The following RHBDD2 variants were observed in gnomAD, a reference collection of about 807,000 sequenced individuals.
RHBDD2 encodes rhomboid domain-containing protein 2.
A neutral mutation model predicts 21.7 loss-of-function variants in RHBDD2; 13 were observed. The ratio of observed to expected loss-of-function variants is 0.60; its 90% CI spans 0.39 to 0.95. The LOEUF (loss-of-function observed/expected upper bound fraction) is 0.95, where lower values mean the gene tolerates loss of function less well. Ranked by LOEUF, RHBDD2 falls within the 40% of genes least tolerant of loss-of-function variation. The probability of loss-of-function intolerance (pLI) is 0.00; values close to 1 mark genes in which losing one functional copy is unlikely to be tolerated. For missense variants in RHBDD2, 473 were observed against 478.9 expected, an observed-to-expected ratio of 0.99 and a Z score of 0.11; for synonymous variants, 225 against 220.0, an observed-to-expected ratio of 1.02 and a Z score of -0.20.
At chr7:75,882,334 TGTA>T in intron 2 of RHBDD2, 98 bp downstream of exon 2, 1 of 1,199,088 alleles carries the variant, frequency 8.3e-7, no homozygotes, top group Non-Finnish European at 1.1e-6. Flanking sequence ...GGGCTTACTT[TGTA>T]TTTTTTCGAA....
chr7:75,888,859 G>C lies in RHBDD2; in HGVS notation c.*510G>C, dbSNP rs1201991737. 1.2e-5 allele frequency: 2 copies of C among 165,092 alleles called. No homozygotes were observed. The highest frequency in any genetic ancestry group is 4.8e-5 in the African/African-American group (2 of 41,658). The allele number at this position is 165,092 out of a possible 1,614,324, so 10.2% of individuals were successfully genotyped here. A position where few individuals can be genotyped will look rare whatever the true frequency, so the allele number is the denominator to read the frequency against. ...CAGAAGCGGTGGGATGGGCCCCCAT[G>C]AACTGCAGCAGCATGCTGAGGTGTC... On this transcript the variant is annotated 3_prime_UTR_variant, in exon 4 of 4. Transcript: ENST00000006777.
At position 75,879,367 on chromosome 7, in the gene RHBDD2, C is replaced by G. The variant is rs13234021; in HGVS notation, c.178+107C>G. The G allele has an allele frequency of 5.2e-5, 56 of 1,078,780 alleles. No individual in the cohort carries two copies. In the African/African-American group the frequency reaches 8.7e-4, roughly 17 times the overall value. The allele number at this position is 1,078,780 out of a possible 1,614,324, so 66.8% of individuals were successfully genotyped here. A position where few individuals can be genotyped will look rare whatever the true frequency, so the allele number is the denominator to read the frequency against. On this transcript the variant is annotated intron_variant, in intron 1 of 3. Transcript: ENST00000006777. ...CGCCCCTTCAGGCCTCACCGCCAGT[C>G]TCCCCCTGTCTCGGTCCTCATCACC...
rs782125253 is a variant in RHBDD2 at position 75,888,238 on chromosome 7, G to A, written c.984G>A (p.Leu328=). 2 of 1,613,792 alleles carry A rather than the reference G, an allele frequency of 1.2e-6. No homozygotes were observed. The highest frequency in any genetic ancestry group is 1.1e-5 in the South Asian group (1 of 91,090). Residue 328 remains leucine, a synonymous_variant, in exon 4 of 4, where the codon CTG becomes CTA. Coordinates refer to ENST00000006777, the MANE Select transcript of RHBDD2 (RefSeq NM_001040456.3). ...ACCCAGCTTCTGCGGGCACCTCCCT[G>A]GGCATCCAGCCCCCCACGCCTGTGA... is the stretch of plus-strand genomic sequence containing the variant. ...SVYPASAGTS[L]GIQPPTPVNS...
intron 1 of RHBDD2, chr7:75,881,339 G>A: frequency 7.8e-7 from 1 of 1,289,450 alleles, no homozygotes; most frequent in Non-Finnish European, 1.0e-6. Context: ...AATAATTCAT[G>A]GTCCCTTTTT....
chr7:75,884,708 T>G (rs1327679392), intron 3 of RHBDD2, among the ~76,000 whole-genome samples: 1 of 152,180 alleles, frequency 6.6e-6, no homozygotes, highest in East Asian at 1.9e-4. Context: ...ACACTTAACA[T>G]GTGATCCTGA....
At chr7:75,881,454 T>TAATTA (rs1190632302) in intron 1 of RHBDD2, 1 of 1,300,158 alleles carries the variant, frequency 7.7e-7, no homozygotes, top group East Asian at 5.4e-5. Flanking sequence ...CCGAAGCTGT[T>TAATTA]ACACTTAATT....
chr7:75,884,956 AT>A (rs2116030019), intron 3 of RHBDD2, among the ~76,000 whole-genome samples: 1 of 152,214 alleles, frequency 6.6e-6, no homozygotes, highest in East Asian at 1.9e-4. Flanking sequence ...TCTGCTAAAA[AT>A]ACAAAAATTA....
At position 75,888,066 on chromosome 7, in the gene RHBDD2, A is replaced by G. The variant is rs782786454; in HGVS notation, c.812A>G (p.Gln271Arg). Reference sequence around the variant, plus strand: ...CTGTCCCCAAGCCACCCTGTGTCCCAGACGCAGCACGCCAGTGGTCAGAAG... The same window carrying G: ...CTGTCCCCAAGCCACCCTGTGTCCCGGACGCAGCACGCCAGTGGTCAGAAG... ...PHLSPSHPVS[Q>R]TQHASGQKLA... The change falls in exon 4 of 4, where the codon CAG (glutamine) becomes CGG (arginine). Residue 271 changes from glutamine (Q) to arginine (R), a missense_variant. Gln to Arg is a conservative substitution (Grantham distance 43). Transcript: ENST00000006777. 6.2e-7 allele frequency: 1 copy of G among 1,613,762 alleles called. No homozygotes were observed. Among genetic ancestry groups the G allele is most frequent in the South Asian group, 1.1e-5 (1 of 91,078 alleles).
intron 1 of RHBDD2, 57 bp from the exon 2 acceptor site, chr7:75,881,772 T>C: frequency 6.6e-7 from 1 of 1,512,582 alleles, no homozygotes; most frequent in Non-Finnish European, 8.9e-7. Flanking sequence ...GCTTATAACC[T>C]GGCTTCCCTC....
Position 75,888,053 on chromosome 7 carries a change from C to G in RHBDD2, c.799C>G (p.His267Asp). 1 of 1,613,768 alleles carries G rather than the reference C, an allele frequency of 6.2e-7. No homozygotes were observed. The highest frequency in any genetic ancestry group is 8.5e-7 in the Non-Finnish European group (1 of 1,180,038). ...QSCHPHLSPS[H>D]PVSQTQHASG... ...CTGCCACCCTCACCTGTCCCCAAGC[C>G]ACCCTGTGTCCCAGACGCAGCACGC... Residue 267 changes from histidine (H) to aspartate (D), a missense_variant, in exon 4 of 4, where the codon CAC (histidine) becomes GAC (aspartate). Transcript: ENST00000006777.
At chr7:75,883,127 G>C (rs1805429472) in intron 2 of RHBDD2, among the ~76,000 whole-genome samples, 1 of 152,166 alleles carries the variant, frequency 6.6e-6, no homozygotes, top group Non-Finnish European at 1.5e-5. Context: ...TGGCTAGAAG[G>C]GTGCAAGTGG....
chr7:75,883,510 C>T, intron 2 of RHBDD2, 188 bp from the exon 3 acceptor site: 1 of 501,702 alleles, frequency 2.0e-6, no homozygotes, highest in Non-Finnish European at 3.6e-6. Flanking sequence ...TAGAGTGAGA[C>T]TCCATCTCAA....
At chr7:75,886,884 C>T (rs536248736) in intron 3 of RHBDD2, among the ~76,000 whole-genome samples, 44 of 151,998 alleles carry the variant, frequency 2.9e-4, no homozygotes, top group Admixed American at 1.3e-3. Flanking sequence ...CACCCAGTGC[C>T]AGGTCTGATC....
intron 1 of RHBDD2, among the ~76,000 whole-genome samples, chr7:75,879,605 C>A (rs1219881379): frequency 6.6e-6 from 1 of 152,130 alleles, no homozygotes; most frequent in Non-Finnish European, 1.5e-5. Context: ...TTCGTCTCCC[C>A]CTCCCATTTC....
intron 3 of RHBDD2, among the ~76,000 whole-genome samples, chr7:75,884,592 G>T (rs1348942780): frequency 6.6e-6 from 1 of 152,194 alleles, no homozygotes; most frequent in African/African-American, 2.4e-5. Context: ...ATAAAGAAAT[G>T]AGGTGCGGCA....
intron 3 of RHBDD2, among the ~76,000 whole-genome samples, chr7:75,885,480 T>G (rs1296121190): frequency 6.6e-6 from 1 of 152,140 alleles, no homozygotes; most frequent in Non-Finnish European, 1.5e-5. Context: ...CCTCACAGTG[T>G]AGGATTTTTT....
rs1554542580 is a variant in RHBDD2, at chr7:75,881,849, A to G, written c.199A>G (p.Ile67Val). 1 of 1,608,546 alleles carries G rather than the reference A, an allele frequency of 6.2e-7. No homozygotes were observed. Among genetic ancestry groups the G allele is most frequent in the South Asian group, 1.1e-5 (1 of 90,238 alleles). The change falls in exon 2 of 4, where the codon ATC becomes GTC. Residue 67 changes from isoleucine to valine, a missense_variant. Physicochemically the swap from Ile to Val is conservative, Grantham distance 29. Coordinates refer to ENST00000006777, the MANE Select transcript of RHBDD2 (RefSeq NM_001040456.3). ...TGCAGTTTACAGGCTGGTAACCTAC[A>G]TCTTTGTCTACGAGAATCCCATCTC... is the stretch of plus-strand genomic sequence containing the variant. ...NWQVYRLVTY[I>V]FVYENPISLL...
intron 2 of RHBDD2, among the ~76,000 whole-genome samples, chr7:75,883,024 G>A (rs1056116833): frequency 6.6e-6 from 1 of 152,114 alleles, no homozygotes; most frequent in Non-Finnish European, 1.5e-5. Context: ...ATAAAAGGAC[G>A]AGGTGTTAGT....
intron 3 of RHBDD2, among the ~76,000 whole-genome samples, chr7:75,884,241 G>A (rs1805516462): frequency 6.6e-6 from 1 of 151,828 alleles, no homozygotes; most frequent in African/African-American, 2.4e-5. Context: ...TTTTATTTGA[G>A]GACAGGGTCT....
Sources: allele counts gnomAD v4.1 joint callset (sites outside exome capture counted in the v4.1 genomes callset), GRCh38; gene constraint gnomAD v4.1.1; transcripts MANE v1.5; gene names NCBI Gene and HGNC (gene_info 2026-07-23, HGNC 2026-07-21).